DAP: variants seen among roughly 807,000 people sequenced by gnomAD.
DAP encodes death associated protein.
Under a neutral mutation model 13.8 loss-of-function variants are expected in DAP, and 8 were observed. The observed-to-expected ratio is 0.58, with a 90% CI of 0.34 to 1.05. DAP has a LOEUF of 1.05. DAP is among the 50% of genes least tolerant of loss of function. DAP has a pLI of 0.03. For synonymous variants in DAP, 47 were observed against 47.5 expected (o/e 0.99, Z 0.04); for missense variants, 106 against 133.2 (o/e 0.80, Z 1.01).
chr5:10,691,375 AATT>A (rs1738304061), intron 2 of DAP, among the ~76,000 whole-genome samples: 1 of 152,232 alleles, frequency 6.6e-6, no homozygotes, highest in Non-Finnish European at 1.5e-5. Flanking sequence ...ATTGGCAAAT[AATT>A]ATTTATGACG....
intron 1 of DAP, among the ~76,000 whole-genome samples, chr5:10,759,628 G>A (rs2111407922): frequency 6.6e-6 from 1 of 152,000 alleles, no homozygotes; most frequent in East Asian, 1.9e-4. Flanking sequence ...CGTCACCACT[G>A]AAAAATATTG....
intron 2 of DAP, among the ~76,000 whole-genome samples, chr5:10,741,948 A>C (rs543874708): frequency 6.6e-6 from 1 of 152,332 alleles, no homozygotes; most frequent in East Asian, 1.9e-4. Flanking sequence ...TTTGTAATTA[A>C]TAGATATATT....
chr5:10,730,611 CG>C, intron 2 of DAP, among the ~76,000 whole-genome samples: 2 of 57,816 alleles, frequency 3.5e-5, no homozygotes, highest in East Asian at 4.4e-4. Context: ...GAGCCCGGGT[CG>C]GGGGGAATCT....
intron 2 of DAP, among the ~76,000 whole-genome samples, chr5:10,745,116 A>C (rs1164254482): frequency 6.6e-6 from 1 of 152,232 alleles, no homozygotes; most frequent in African/African-American, 2.4e-5. Context: ...ATGATTGATT[A>C]TGATTATTCA....
chr5:10,709,917 G>A (rs181501921), intron 2 of DAP, among the ~76,000 whole-genome samples: 194 of 152,294 alleles, frequency 1.3e-3, no homozygotes, highest in African/African-American at 4.5e-3. Context: ...ACCTGGGACT[G>A]GTCAGAATGC....
At chr5:10,695,120 C>T (rs965689160) in intron 2 of DAP, among the ~76,000 whole-genome samples, 2 of 152,354 alleles carry the variant, frequency 1.3e-5, no homozygotes, top group Admixed American at 6.5e-5. Flanking sequence ...CAGAGGGAAA[C>T]GTCTCACTCG....
Position 10,723,972 on chromosome 5 carries a change from C to T in DAP, c.152+24203G>A, listed in dbSNP as rs141110835. 3.6e-4 allele frequency among the ~76,000 whole-genome samples: 55 copies of T among 152,234 alleles called. 1 individual carries two copies. The highest frequency in any genetic ancestry group is 1.9e-3 in the Admixed American group (29 of 15,286). On this transcript the variant is annotated intron_variant, in intron 2 of 3. Transcript: ENST00000230895. ...ATTGAAGTAAATGCCAAAATACAAA[C>T]GGTGCATTGTTTGGGTGCAGAAAAA... is the stretch of plus-strand genomic sequence containing the variant.
At chr5:10,715,495 T>C (rs904363436) in intron 2 of DAP, among the ~76,000 whole-genome samples, 3 of 152,168 alleles carry the variant, frequency 2.0e-5, no homozygotes, top group African/African-American at 7.2e-5. Flanking sequence ...AGCAAAATCT[T>C]CTGAGCTTGA....
intron 2 of DAP, among the ~76,000 whole-genome samples, chr5:10,731,407 T>C (rs561097035): frequency 1.3e-5 from 2 of 152,342 alleles, no homozygotes; most frequent in African/African-American, 4.8e-5. Flanking sequence ...GATTCTGATC[T>C]CTTGCTACCA....
chr5:10,715,461 C>T (rs1490509739), intron 2 of DAP, among the ~76,000 whole-genome samples: 1 of 152,178 alleles, frequency 6.6e-6, no homozygotes, highest in African/African-American at 2.4e-5. Context: ...GGAGTAGAAG[C>T]CTGAGCTGCC....
chr5:10,698,181 T>G (rs1225742020), intron 2 of DAP, among the ~76,000 whole-genome samples: 2 of 147,074 alleles, frequency 1.4e-5, no homozygotes. Flanking sequence ...TCTCTGGATC[T>G]GCAAATTCAA....
chr5:10,748,138 T>C (rs1368304940), intron 2 of DAP, 37 bp downstream of exon 2: 1 of 1,440,510 alleles, frequency 6.9e-7, no homozygotes, highest in Non-Finnish European at 9.8e-7. Flanking sequence ...ATAGGGTTTT[T>C]GGAAAACATG....
intron 2 of DAP, among the ~76,000 whole-genome samples, chr5:10,698,103 G>C (rs575911704): frequency 1.3e-4 from 19 of 151,988 alleles, no homozygotes; most frequent in African/African-American, 4.6e-4. Context: ...GCAAGGGAGG[G>C]AGTTGGTGAG....
At chr5:10,717,524 TC>T (rs1739021600) in intron 2 of DAP, among the ~76,000 whole-genome samples, 1 of 152,164 alleles carries the variant, frequency 6.6e-6, no homozygotes, top group African/African-American at 2.4e-5. Context: ...AGTGGCAACA[TC>T]CCCTTCCCGA....
chr5:10,728,972 A>C (rs1739367124), intron 2 of DAP, among the ~76,000 whole-genome samples: 1 of 152,232 alleles, frequency 6.6e-6, no homozygotes, highest in Non-Finnish European at 1.5e-5. Context: ...TCGAAATTCT[A>C]TGTGCTCTTT....
At chr5:10,703,248 T>C (rs1738623717) in intron 2 of DAP, among the ~76,000 whole-genome samples, 1 of 152,214 alleles carries the variant, frequency 6.6e-6, no homozygotes, top group African/African-American at 2.4e-5. Flanking sequence ...GTTTTTCCCT[T>C]TAGAAACAAT....
intron 2 of DAP, among the ~76,000 whole-genome samples, chr5:10,747,273 T>C (rs936180659): frequency 2.0e-5 from 3 of 152,174 alleles, no homozygotes; most frequent in Non-Finnish European, 2.9e-5. Context: ...TGTTTGCGTA[T>C]TGCAAAGTCG....
chr5:10,684,640 G>C (rs1258346641), intron 2 of DAP, among the ~76,000 whole-genome samples: 1 of 152,186 alleles, frequency 6.6e-6, no homozygotes, highest in Non-Finnish European at 1.5e-5. Context: ...TAGTTATACT[G>C]TTTTGTAATC....
chr5:10,690,070 T>C (rs943500659), intron 2 of DAP, among the ~76,000 whole-genome samples: 7 of 152,060 alleles, frequency 4.6e-5, no homozygotes, highest in Admixed American at 3.3e-4. Flanking sequence ...GAACCCCATG[T>C]GTCCAGCACT....
Sources: allele counts gnomAD v4.1 joint callset (sites outside exome capture counted in the v4.1 genomes callset), GRCh38; gene constraint gnomAD v4.1.1; transcripts MANE v1.5; gene names NCBI Gene and HGNC (gene_info 2026-07-23, HGNC 2026-07-21).